CENPW: variants seen among roughly 807,000 people sequenced by gnomAD.
CENPW encodes the protein cancer-up-regulated gene 2 protein.
CENPW carries 3 observed loss-of-function variants against 11.1 expected under a neutral mutation model. The ratio of observed to expected loss-of-function variants is 0.27; its 90% CI spans 0.12 to 0.70. The LOEUF (loss-of-function observed/expected upper bound fraction) is 0.70, where lower values mean the gene tolerates loss of function less well. CENPW is among the 30% of genes least tolerant of loss of function. CENPW has a pLI of 0.77. For missense variants in CENPW, 100 were observed against 105.6 expected (o/e 0.95, Z 0.23); for synonymous variants, 38 against 42.0 (o/e 0.91, Z 0.37).
At chr6:126,461,545 G>T in the CENPW span, among the ~76,000 whole-genome samples, 2 of 151,916 alleles carry the variant, frequency 1.3e-5, no homozygotes, top group Non-Finnish European at 2.9e-5. Flanking sequence ...AACACCAGTT[G>T]TGACCATGTG....
the CENPW span, among the ~76,000 whole-genome samples, chr6:126,451,593 G>T: frequency 1.3e-5 from 2 of 151,078 alleles, no homozygotes; most frequent in Non-Finnish European, 1.5e-5. Flanking sequence ...GGATAAAGAA[G>T]CTTCAATGGG....
chr6:126,425,808 A>G, the CENPW span, among the ~76,000 whole-genome samples: 11 of 151,960 alleles, frequency 7.2e-5, no homozygotes, highest in Non-Finnish European at 1.5e-4. Flanking sequence ...TGTGAAAAAA[A>G]AAAACCCTCA....
the CENPW span, among the ~76,000 whole-genome samples, chr6:126,472,341 A>G: frequency 6.6e-6 from 1 of 152,120 alleles, no homozygotes; most frequent in African/African-American, 2.4e-5. Flanking sequence ...ACCAGCTACT[A>G]CTGATTTGCC....
the CENPW span, among the ~76,000 whole-genome samples, chr6:126,432,847 C>T: frequency 6.6e-6 from 1 of 152,092 alleles, no homozygotes; most frequent in East Asian, 1.9e-4. Context: ...TAGTCATTGC[C>T]CTAAACATAG....
chr6:126,370,122 T>C, the CENPW span, among the ~76,000 whole-genome samples: 4 of 152,222 alleles, frequency 2.6e-5, no homozygotes, highest in Admixed American at 6.5e-5. Context: ...TTCTGTTCCA[T>C]TGGTCTATGT....
the CENPW span, among the ~76,000 whole-genome samples, chr6:126,436,507 A>C: frequency 1.1e-4 from 16 of 151,928 alleles, no homozygotes; most frequent in African/African-American, 3.9e-4. Context: ...TTTCCTTCTA[A>C]ATATGAGACA....
chr6:126,342,888 T>C (rs1780340186), intron 1 of CENPW, among the ~76,000 whole-genome samples: 3 of 152,242 alleles, frequency 2.0e-5, no homozygotes, highest in Admixed American at 2.0e-4. Context: ...TATTTATAAT[T>C]TCTTTGTGTT....
At chr6:126,482,313 A>G in the CENPW span, among the ~76,000 whole-genome samples, 1 of 152,012 alleles carries the variant, frequency 6.6e-6, no homozygotes, top group Non-Finnish European at 1.5e-5. Flanking sequence ...CAGCAAGTAT[A>G]ATACCTGGTT....
chr6:126,420,652 C>T, the CENPW span, among the ~76,000 whole-genome samples: 64 of 152,208 alleles, frequency 4.2e-4, 1 homozygote, highest in South Asian at 0.013. Flanking sequence ...TAGAAATAAA[C>T]ACCTGGCAAT....
chr6:126,342,624 T>G (rs1417401429), intron 1 of CENPW, among the ~76,000 whole-genome samples: 1 of 152,126 alleles, frequency 6.6e-6, no homozygotes, highest in East Asian at 1.9e-4. Flanking sequence ...TTTTTCAAAA[T>G]CCAGTTCAAA....
At chr6:126,423,837 C>CT in the CENPW span, among the ~76,000 whole-genome samples, 4 of 114,554 alleles carry the variant, frequency 3.5e-5, no homozygotes, top group South Asian at 3.9e-4. Context: ...ATTTTTTTTT[C>CT]TTTTTTTTAA....
At chr6:126,430,500 T>G in the CENPW span, among the ~76,000 whole-genome samples, 1 of 152,188 alleles carries the variant, frequency 6.6e-6, no homozygotes, top group Non-Finnish European at 1.5e-5. Flanking sequence ...ATTGAACAAA[T>G]GGAGCAGGCA....
chr6:126,410,602 T>C, the CENPW span, among the ~76,000 whole-genome samples: 1 of 151,806 alleles, frequency 6.6e-6, no homozygotes, highest in Non-Finnish European at 1.5e-5. Context: ...TATCTTTTTT[T>C]CCTGTCTTCT....
At chr6:126,388,488 A>T in the CENPW span, among the ~76,000 whole-genome samples, 1 of 151,992 alleles carries the variant, frequency 6.6e-6, no homozygotes, top group Non-Finnish European at 1.5e-5. Flanking sequence ...TCTTGTTGTC[A>T]TAGTGAATAC....
At chr6:126,452,663 T>C in the CENPW span, among the ~76,000 whole-genome samples, 1 of 150,994 alleles carries the variant, frequency 6.6e-6, no homozygotes, top group Non-Finnish European at 1.5e-5. Context: ...ATATCTAAAA[T>C]TCATGCTATC....
chr6:126,365,565 T>A, the CENPW span, among the ~76,000 whole-genome samples: 1 of 152,108 alleles, frequency 6.6e-6, no homozygotes, highest in Non-Finnish European at 1.5e-5. Flanking sequence ...TCTGAACCGA[T>A]CACCTTCCAC....
the CENPW span, among the ~76,000 whole-genome samples, chr6:126,406,083 T>G: frequency 6.6e-6 from 1 of 152,176 alleles, no homozygotes; most frequent in Non-Finnish European, 1.5e-5. Context: ...TAACGTTAGC[T>G]GTGGATTTGT....
the CENPW span, among the ~76,000 whole-genome samples, chr6:126,471,951 C>G: frequency 6.6e-6 from 1 of 152,144 alleles, no homozygotes; most frequent in African/African-American, 2.4e-5. Context: ...CTATAAATCT[C>G]TTTGCTAGGT....
At chr6:126,397,915 T>C in the CENPW span, among the ~76,000 whole-genome samples, 2 of 152,182 alleles carry the variant, frequency 1.3e-5, no homozygotes, top group Non-Finnish European at 2.9e-5. Context: ...TCTTTTTTCT[T>C]TGTAGATAAA....
Sources: gnomAD v4.1 joint callset for allele counts (sites outside exome capture counted in the v4.1 genomes callset) on GRCh38, gnomAD v4.1.1 for gene constraint, MANE v1.5 for transcripts, NCBI Gene and HGNC (gene_info 2026-07-23, HGNC 2026-07-21) for gene names.